Variants in CDC42 observed in about 807,000 individuals in gnomAD.
CDC42 encodes cell division cycle 42.
CDC42 carries 1 observed loss-of-function variant against 20.8 expected under a neutral mutation model. That is an observed-to-expected ratio of 0.05 (90% CI 0.02 to 0.23). CDC42 has a LOEUF of 0.23. CDC42 is among the 10% of genes least tolerant of loss of function. The pLI is 1.00. For synonymous variants in CDC42, 72 were observed against 84.8 expected (o/e 0.85, Z 0.83); for missense variants, 49 against 227.9 (o/e 0.21, Z 5.05).
At chr1:22,074,029 A>G (rs1645521859) in intron 1 of CDC42, 1 of 152,218 alleles carries the variant, frequency 6.6e-6, no homozygotes, top group African/African-American at 2.4e-5. Flanking sequence ...ACTGTTAAAA[A>G]GAGGTAGGAT....
chr1:22,082,875 A>AT (rs3036839), intron 3 of CDC42, among the ~76,000 whole-genome samples: 102,375 of 140,056 alleles, frequency 0.73, 38,324 homozygotes, highest in East Asian at 0.96. Context: ...CACAGAGAAA[A>AT]TTTTTATTTT....
intron 1 of CDC42, among the ~76,000 whole-genome samples, chr1:22,058,725 C>T (rs1468438027): frequency 6.6e-6 from 1 of 152,096 alleles, no homozygotes; most frequent in African/African-American, 2.4e-5. Flanking sequence ...TCTCAAACTC[C>T]CGACCTCAGG....
intron 3 of CDC42, among the ~76,000 whole-genome samples, chr1:22,084,127 A>T (rs939625882): frequency 6.6e-6 from 1 of 152,166 alleles, no homozygotes; most frequent in Non-Finnish European, 1.5e-5. Flanking sequence ...TAATGTTGCT[A>T]TCAACATGGG....
chr1:22,067,420 C>T (rs1486389851), intron 1 of CDC42, among the ~76,000 whole-genome samples: 2 of 152,076 alleles, frequency 1.3e-5, no homozygotes, highest in Non-Finnish European at 2.9e-5. Flanking sequence ...CTCCCAAGTT[C>T]GCTTTGGTGC....
rs1411793710 is a variant in CDC42, at chr1:22,098,195, G to T, written c.*6678G>T. 6.6e-6 allele frequency among the ~76,000 whole-genome samples: 1 copy of T among 152,116 alleles called. No homozygotes were observed. Among genetic ancestry groups the T allele is most frequent in the Non-Finnish European group, 1.5e-5 (1 of 68,016 alleles). On this transcript the variant is annotated 3_prime_UTR_variant, in exon 6 of 6. Coordinates refer to ENST00000656825, the MANE Select transcript of CDC42 (RefSeq NM_001791.4). ...GCATCTTTTTATTTTGATGAAGTTT[G>T]CATTATTACTCCTAACAACGTGCCC...
Position 22,091,767 on chromosome 1 carries a change from C to CA in CDC42, c.*260dup, listed in dbSNP as rs139035560. 4.8e-4 allele frequency: 45 copies of CA among 93,418 alleles called. No individual in the cohort carries two copies. Among genetic ancestry groups the CA allele is most frequent in the African/African-American group, 1.3e-3 (28 of 21,694 alleles). The allele number at this position is 93,418 out of a possible 1,614,324, so 5.8% of individuals were successfully genotyped here. On this transcript the variant is annotated 3_prime_UTR_variant, in exon 6 of 6. Transcript: ENST00000656825. Reference sequence around the variant, plus strand: ...TTAGTACTATTTTTTTTTGTTGTTTCAAAAAAAAAATTTTTGTGTGTGTGT... The same window carrying CA: ...TTAGTACTATTTTTTTTTGTTGTTTCAAAAAAAAAAATTTTTGTGTGTGTGT...
rs1645773988 is a variant in CDC42, at chr1:22,098,979, G to A, written c.*7462G>A. On this transcript the variant is annotated 3_prime_UTR_variant, in exon 6 of 6. Coordinates refer to ENST00000656825, the MANE Select transcript of CDC42 (RefSeq NM_001791.4). ...TTGCCATTTTACCCAGGCTGGTCTCGAACTCCTGAGCTGATCCTCCCACCT... is the reference window on the plus strand; with the variant it reads ...TTGCCATTTTACCCAGGCTGGTCTCAAACTCCTGAGCTGATCCTCCCACCT... Among the ~76,000 whole-genome samples the A allele has an allele frequency of 6.6e-6, 1 of 152,120 alleles. No individual in the cohort carries two copies. Among genetic ancestry groups the A allele is most frequent in the Non-Finnish European group, 1.5e-5 (1 of 68,034 alleles).
intron 1 of CDC42, among the ~76,000 whole-genome samples, chr1:22,071,682 C>G (rs1032951470): frequency 3.9e-5 from 6 of 152,186 alleles, no homozygotes; most frequent in African/African-American, 1.4e-4. Flanking sequence ...CCAGACTAGT[C>G]CTTCTGTTGA....
chr1:22,071,611 A>G (rs554619767), intron 1 of CDC42, among the ~76,000 whole-genome samples: 1 of 152,278 alleles, frequency 6.6e-6, no homozygotes, highest in East Asian at 1.9e-4. Context: ...GCATTTTCCA[A>G]AGTGGCTGGA....
In CDC42 at chr1:22,094,294, A is replaced by ATTTTTTTTTTTTTTTTTT. The variant is rs747002932; in HGVS notation, c.*2781_*2798dup. ...GTTTTACTGAACATCCTAGAAATAG[A>ATTTTTTTTTTTTTTTTTT]TTTTTTTTTTTTTTTTTTTTTGAGA... On this transcript the variant is annotated 3_prime_UTR_variant, in exon 6 of 6. Transcript: ENST00000656825. Among the ~76,000 whole-genome samples the ATTTTTTTTTTTTTTTTTT allele has an allele frequency of 5.8e-3, 221 of 38,300 alleles. 89 individuals carry two copies. The highest frequency in any genetic ancestry group is 0.048 in the Middle Eastern group (2 of 42). 25.1% of individuals were successfully genotyped at this position (38,300 alleles called of 152,430 possible).
chr1:22,086,133 T>G (rs1011104990), intron 3 of CDC42, among the ~76,000 whole-genome samples: 2 of 152,144 alleles, frequency 1.3e-5, no homozygotes, highest in Non-Finnish European at 2.9e-5. Context: ...AGGATTGATT[T>G]TTAACCATTT....
At chr1:22,057,026 T>C (rs1267004563) in intron 1 of CDC42, among the ~76,000 whole-genome samples, 3 of 152,250 alleles carry the variant, frequency 2.0e-5, no homozygotes, top group Non-Finnish European at 4.4e-5. Flanking sequence ...GGTATATTGC[T>C]ACTATAATGA....
chr1:22,066,315 C>T (rs2152828007), intron 1 of CDC42, among the ~76,000 whole-genome samples: 1 of 151,786 alleles, frequency 6.6e-6, no homozygotes, highest in East Asian at 1.9e-4. Context: ...GCAGACGTTG[C>T]AGTAAGCTGA....
rs559419802 is a variant in CDC42 at position 22,096,629 on chromosome 1, G to A, written c.*5112G>A. ...GGACTTTGGTCTCAATAGCCTACAG[G>A]GTGCTTCATCCACTCACTGTATTCT... On this transcript the variant is annotated 3_prime_UTR_variant, in exon 6 of 6. Coordinates refer to ENST00000656825, the MANE Select transcript of CDC42 (RefSeq NM_001791.4). Among the ~76,000 whole-genome samples, 1 of 152,192 alleles carries A rather than the reference G, an allele frequency of 6.6e-6. No homozygotes were observed. The highest frequency in any genetic ancestry group is 2.4e-5 in the African/African-American group (1 of 41,436).
chr1:22,057,370 A>C (rs889791116), intron 1 of CDC42, among the ~76,000 whole-genome samples: 1 of 152,180 alleles, frequency 6.6e-6, no homozygotes, highest in African/African-American at 2.4e-5. Context: ...GACTAATCTG[A>C]TGAATCCAAA....
At chr1:22,061,053 T>G (rs1243468661) in intron 1 of CDC42, among the ~76,000 whole-genome samples, 2 of 152,174 alleles carry the variant, frequency 1.3e-5, no homozygotes, top group Non-Finnish European at 2.9e-5. Context: ...GTAAGGCCTG[T>G]GTGGCTTAGT....
intron 5 of CDC42, among the ~76,000 whole-genome samples, chr1:22,088,292 G>A (rs2268179): frequency 1.3e-5 from 2 of 152,124 alleles, no homozygotes; most frequent in Admixed American, 6.5e-5. Flanking sequence ...CTAGATATGG[G>A]TTGCTTTGAG....
chr1:22,090,661 T>G, intron 5 of CDC42: 1 of 985,458 alleles, frequency 1.0e-6, no homozygotes, highest in South Asian at 4.7e-5. Context: ...TAACATCCAT[T>G]TAAACAGTTG....
At position 22,098,959 on chromosome 1, in the gene CDC42, A is replaced by G. The variant is rs1645773869; in HGVS notation, c.*7442A>G. Among the ~76,000 whole-genome samples the G allele has an allele frequency of 6.6e-6, 1 of 151,998 alleles. No homozygotes were observed. The highest frequency in any genetic ancestry group is 2.4e-5 in the African/African-American group (1 of 41,390). ...TTTTGTGTAGAGAGGGGGTTTTGCC[A>G]TTTTACCCAGGCTGGTCTCGAACTC... On this transcript the variant is annotated 3_prime_UTR_variant, in exon 6 of 6. Coordinates refer to ENST00000656825, the MANE Select transcript of CDC42 (RefSeq NM_001791.4).
Sources: gnomAD v4.1 joint callset for allele counts (sites outside exome capture counted in the v4.1 genomes callset) on GRCh38, gnomAD v4.1.1 for gene constraint, MANE v1.5 for transcripts, NCBI Gene and HGNC (gene_info 2026-07-23, HGNC 2026-07-21) for gene names.